MECOM: variants seen among roughly 807,000 people sequenced by gnomAD.
MECOM encodes MDS1 and EVI1 complex locus.
In MECOM, 13 loss-of-function variants were observed where a neutral mutation model predicts 116.3. The observed-to-expected ratio is 0.11, with a 90% CI of 0.07 to 0.18. MECOM has a LOEUF of 0.18. Ranked by LOEUF, MECOM falls within the 10% of genes least tolerant of loss-of-function variation. MECOM has a pLI of 1.00. For missense variants in MECOM, 1,299 were observed against 1,509.0 expected, an observed-to-expected ratio of 0.86 and a Z score of 2.31; for synonymous variants, 528 against 535.2, an observed-to-expected ratio of 0.99 and a Z score of 0.19.
intron 1 of MECOM, among the ~76,000 whole-genome samples, chr3:169,508,509 T>A (rs1755574631): frequency 6.8e-6 from 1 of 146,350 alleles, no homozygotes; most frequent in South Asian, 2.2e-4. Context: ...TAAACACACA[T>A]ACACACTCAC....
intron 2 of MECOM, among the ~76,000 whole-genome samples, chr3:169,297,851 C>G (rs1715931558): frequency 6.6e-6 from 1 of 152,124 alleles, no homozygotes; most frequent in East Asian, 1.9e-4. Context: ...GTGCTAAAAT[C>G]TCAAATGTTT....
rs1747402534 is a variant in MECOM at position 169,461,319 on chromosome 3, G to A, written c.38-79795C>T. On this transcript the variant is annotated intron_variant, in intron 1 of 16. Coordinates refer to ENST00000651503, the MANE Select transcript of MECOM (RefSeq NM_004991.4). Reference sequence around the variant, plus strand: ...TGGGACAGAAACCATGGTGCAGATGGATGTTCAAACAGAAAGACATTTTTA... The same window carrying A: ...TGGGACAGAAACCATGGTGCAGATGAATGTTCAAACAGAAAGACATTTTTA... 1.3e-5 allele frequency among the ~76,000 whole-genome samples: 2 copies of A among 152,118 alleles called. 1 individual carries two copies. Among genetic ancestry groups the A allele is most frequent in the South Asian group, 4.1e-4 (2 of 4,824 alleles).
chr3:169,519,284 T>C (rs1413006974), intron 1 of MECOM, among the ~76,000 whole-genome samples: 5 of 152,210 alleles, frequency 3.3e-5, no homozygotes, highest in African/African-American at 1.2e-4. Flanking sequence ...CATCCAGCCC[T>C]TCATTTTATA....
At chr3:169,264,381 A>G (rs1022477434) in intron 2 of MECOM, among the ~76,000 whole-genome samples, 1 of 152,168 alleles carries the variant, frequency 6.6e-6, no homozygotes, top group African/African-American at 2.4e-5. Context: ...CTCAGTATTT[A>G]TCTTATTGTA....
At chr3:169,353,745 C>T (rs1726782838) in intron 2 of MECOM, among the ~76,000 whole-genome samples, 3 of 151,674 alleles carry the variant, frequency 2.0e-5, no homozygotes, top group African/African-American at 7.3e-5. Flanking sequence ...CTTGCATTTC[C>T]ACAAGCCAAT....
intron 2 of MECOM, among the ~76,000 whole-genome samples, chr3:169,298,170 T>G (rs1424038036): frequency 6.6e-6 from 1 of 152,170 alleles, no homozygotes; most frequent in African/African-American, 2.4e-5. Context: ...AAAATGTCTT[T>G]TATTTACGGA....
chr3:169,191,790 GAA>G lies in MECOM; in HGVS notation c.376-47960_376-47959del, dbSNP rs1335683105. ...AGAAAGAAAGAAAGAAAGAAAGAAA[GAA>G]AGGGAGGGAAGGATAAATCTCTTTG... On this transcript the variant is annotated intron_variant, in intron 2 of 16. Transcript: ENST00000651503. Among the ~76,000 whole-genome samples, 7 of 149,238 alleles carry G rather than the reference GAA, an allele frequency of 4.7e-5. No homozygotes were observed. In the East Asian group the frequency reaches 8.6e-4, roughly 18 times the overall value.
intron 1 of MECOM, among the ~76,000 whole-genome samples, chr3:169,553,818 C>T (rs1260617429): frequency 6.6e-6 from 1 of 152,156 alleles, no homozygotes; most frequent in African/African-American, 2.4e-5. Flanking sequence ...TCTATGTGTC[C>T]TAATTGTCTT....
intron 12 of MECOM, among the ~76,000 whole-genome samples, chr3:169,096,270 C>CTT (rs57183129): frequency 2.1e-5 from 3 of 143,476 alleles, no homozygotes; most frequent in African/African-American, 7.6e-5. Context: ...TCCAAATGAC[C>CTT]TTTTTTTTTT....
chr3:169,125,590 T>C (rs542044998), intron 5 of MECOM, among the ~76,000 whole-genome samples: 9 of 152,256 alleles, frequency 5.9e-5, no homozygotes, highest in Admixed American at 4.6e-4. Context: ...AAACTCCATA[T>C]TGTTCCATAG....
chr3:169,292,235 C>T (rs902498729), intron 2 of MECOM, among the ~76,000 whole-genome samples: 3 of 151,914 alleles, frequency 2.0e-5, no homozygotes, highest in East Asian at 1.9e-4. Flanking sequence ...CCCAGCTACT[C>T]GGGCCAGAGA....
At chr3:169,620,320 G>A (rs527559935) in intron 1 of MECOM, among the ~76,000 whole-genome samples, 3 of 152,306 alleles carry the variant, frequency 2.0e-5, no homozygotes, top group African/African-American at 7.2e-5. Flanking sequence ...AATGACGAAG[G>A]CCTTTAATTG....
chr3:169,595,619 A>C (rs778018347), intron 1 of MECOM, among the ~76,000 whole-genome samples: 7 of 152,202 alleles, frequency 4.6e-5, no homozygotes, highest in Admixed American at 2.0e-4. Flanking sequence ...AAACACAACT[A>C]AAGTATTTAA....
chr3:169,387,430 T>C (rs540125558), intron 1 of MECOM, among the ~76,000 whole-genome samples: 7 of 152,362 alleles, frequency 4.6e-5, no homozygotes, highest in East Asian at 1.9e-4. Flanking sequence ...TTCCGCCTAG[T>C]TTAACTGCAA....
chr3:169,613,232 C>T (rs1769497580), intron 1 of MECOM, among the ~76,000 whole-genome samples: 1 of 152,132 alleles, frequency 6.6e-6, no homozygotes, highest in Non-Finnish European at 1.5e-5. Context: ...CGAAGACATG[C>T]TGGTTTTATT....
At chr3:169,573,768 T>C (rs1764188394) in intron 1 of MECOM, among the ~76,000 whole-genome samples, 2 of 152,136 alleles carry the variant, frequency 1.3e-5, no homozygotes, top group Admixed American at 6.5e-5. Context: ...ATTTCCTAGG[T>C]ACCAGTTTTT....
chr3:169,171,628 G>A (rs1744419171), intron 2 of MECOM, among the ~76,000 whole-genome samples: 1 of 151,916 alleles, frequency 6.6e-6, no homozygotes, highest in Admixed American at 6.6e-5. Flanking sequence ...ATAATTATTG[G>A]AATAAATCAT....
intron 2 of MECOM, among the ~76,000 whole-genome samples, chr3:169,288,773 C>A (rs1159079142): frequency 3.9e-5 from 6 of 152,126 alleles, no homozygotes; most frequent in Admixed American, 6.6e-5. Flanking sequence ...GGTGTTCCGT[C>A]AGTATTTGAA....
intron 2 of MECOM, among the ~76,000 whole-genome samples, chr3:169,218,330 G>A (rs1293247683): frequency 6.6e-6 from 1 of 152,180 alleles, no homozygotes; most frequent in Non-Finnish European, 1.5e-5. Context: ...TTAATTTGCA[G>A]TAGAATTTTT....
Sources: allele counts gnomAD v4.1 joint callset (sites outside exome capture counted in the v4.1 genomes callset), GRCh38; gene constraint gnomAD v4.1.1; transcripts MANE v1.5; gene names NCBI Gene and HGNC (gene_info 2026-07-23, HGNC 2026-07-21).